Variants in XG observed in about 807,000 individuals in gnomAD.
XG encodes Xg glycoprotein (Xg blood group).
XG carries 24 observed loss-of-function variants against 25.7 expected under a neutral mutation model. That is an observed-to-expected ratio of 0.93 (90% CI 0.68 to 1.31). The LOEUF is 1.31. Ranked by LOEUF, XG falls within the 40% of genes most tolerant of loss-of-function variation. The pLI is 0.00. For synonymous variants in XG, 77 were observed against 69.2 expected, an observed-to-expected ratio of 1.11 and a Z score of -0.56; for missense variants, 181 against 187.6, an observed-to-expected ratio of 0.96 and a Z score of 0.21.
rs986385418 is a variant in XG at position 2,775,553 on chromosome X, G to A, written c.127+814G>A. On this transcript the variant is annotated intron_variant, in intron 3 of 10. Transcript: ENST00000644266. Reference sequence around the variant, plus strand: ...AAGCATTCTGGAAGTACACAGAGGTGATGGCTGCACAACACTGTGAATATT... The same window carrying A: ...AAGCATTCTGGAAGTACACAGAGGTAATGGCTGCACAACACTGTGAATATT... Among the ~76,000 whole-genome samples the A allele has an allele frequency of 1.1e-4, 17 of 152,296 alleles. 1 individual carries two copies. Among genetic ancestry groups the A allele is most frequent in the African/African-American group, 4.1e-4 (17 of 41,564 alleles).
At chrX:2,770,912 C>G (rs1224323725) in intron 2 of XG, among the ~76,000 whole-genome samples, 1 of 152,100 alleles carries the variant, frequency 6.6e-6, no homozygotes, top group East Asian at 1.9e-4. Flanking sequence ...GTGGTGCAAT[C>G]ATAGCTTACC....
At chrX:2,753,534 T>G (rs1375235787) in intron 1 of XG, among the ~76,000 whole-genome samples, 1 of 152,174 alleles carries the variant, frequency 6.6e-6, no homozygotes, top group Non-Finnish European at 1.5e-5. Context: ...AAAATTGGTA[T>G]GCATTCAGTA....
intron 2 of XG, among the ~76,000 whole-genome samples, chrX:2,773,492 A>AG (rs1569461932): frequency 2.0e-4 from 29 of 142,206 alleles, no homozygotes; most frequent in Non-Finnish European, 4.0e-4. Flanking sequence ...GGAAGGAAGG[A>AG]AGGAAGGAGA....
At chrX:2,763,731 A>T (rs2050615544) in intron 1 of XG, among the ~76,000 whole-genome samples, 1 of 151,744 alleles carries the variant, frequency 6.6e-6, no homozygotes, top group African/African-American at 2.4e-5. Context: ...GCCATTGAAA[A>T]CCCTCAGCTA....
In XG at chrX:2,792,545, TTG is replaced by T. The variant is rs146747084; in HGVS notation, c.254-1966_254-1965del. 3.1e-4 allele frequency among the ~76,000 whole-genome samples: 31 copies of T among 99,670 alleles called. No homozygotes were observed. The East Asian group carries it at 4.1e-3, about 13-fold the overall frequency. The allele number at this position is 99,670 out of a possible 115,157, so 86.6% of individuals were successfully genotyped here. A position where few individuals can be genotyped will look rare whatever the true frequency, so the allele number is the denominator to read the frequency against. ...TCTTTTTCTTTCTTTTTCTTTTTCT[TTG>T]TGTGTGTGTGTGTGTGTGTGTGTAT... On this transcript the variant is annotated intron_variant, in intron 5 of 10. Transcript: ENST00000644266.
At chrX:2,775,006 T>C (rs1258019750) in intron 3 of XG, 4 of 535,556 alleles carry the variant, frequency 7.5e-6, no homozygotes, top group Non-Finnish European at 1.4e-5. Flanking sequence ...GAAACTGGAA[T>C]GTTTGTACAG....
At chrX:2,773,553 A>AAGGAAGGAGAGAG (rs1254299943) in intron 2 of XG, among the ~76,000 whole-genome samples, 1 of 74,486 alleles carries the variant, frequency 1.3e-5, no homozygotes, top group East Asian at 4.7e-4. Flanking sequence ...GAAGGAGAGA[A>AAGGAAGGAGAGAG]GGAAGGAAGG....
chrX:2,784,724 T>G (rs1174424017), intron 4 of XG, among the ~76,000 whole-genome samples: 2 of 111,864 alleles, frequency 1.8e-5, no homozygotes, highest in Non-Finnish European at 3.8e-5. Context: ...AGGCTCAGGC[T>G]GGGGAGGTGA....
chrX:2,752,643 G>T (rs1281342853), intron 1 of XG, among the ~76,000 whole-genome samples: 6 of 152,184 alleles, frequency 3.9e-5, no homozygotes, highest in Non-Finnish European at 7.3e-5. Context: ...TTAACTCCAT[G>T]ATTCAAGCAT....
rs771882283 is a variant in XG at position 2,797,301 on chromosome X, G to A, written c.323-9G>A. ...AACATCCCTCAACTCTACCTTCTCTGTCTAACAGGAGGTGGCGGCGGTGGC... is the reference window on the plus strand; with the variant it reads ...AACATCCCTCAACTCTACCTTCTCTATCTAACAGGAGGTGGCGGCGGTGGC... On this transcript the variant is annotated splice_polypyrimidine_tract_variant and intron_variant, in intron 6 of 10. Transcript: ENST00000644266. 2.4e-5 allele frequency: 29 copies of A among 1,210,356 alleles called. 1 individual carries two copies. The highest frequency in any genetic ancestry group is 2.5e-5 in the Non-Finnish European group (22 of 894,797).
chrX:2,756,579 T>C (rs2050439334), intron 1 of XG, among the ~76,000 whole-genome samples: 1 of 146,956 alleles, frequency 6.8e-6, no homozygotes, highest in African/African-American at 2.5e-5. Context: ...ACATCTGTTA[T>C]GCATCAATTA....
At position 2,815,721 on chromosome X, in the gene XG, A is replaced by C. The variant is rs1603458096; in HGVS notation, c.*1341A>C. 4.6e-5 allele frequency: 5 copies of C among 109,095 alleles called. No individual in the cohort carries two copies. The Admixed American group carries it at 5.0e-4, about 11-fold the overall frequency. 9.0% of individuals were successfully genotyped at this position (109,095 alleles called of 1,213,427 possible). ...TTTTTTTCAGGAGTGGTGATGTCTGATGCTCAATTACTATTTTCCCTATAA... is the reference window on the plus strand; with the variant it reads ...TTTTTTTCAGGAGTGGTGATGTCTGCTGCTCAATTACTATTTTCCCTATAA... On this transcript the variant is annotated 3_prime_UTR_variant, in exon 11 of 11. Transcript: ENST00000644266.
intron 2 of XG, among the ~76,000 whole-genome samples, chrX:2,774,420 A>G (rs311156): frequency 0.32 from 45,837 of 142,610 alleles, 7,106 homozygotes; most frequent in East Asian, 0.47. Context: ...TCCACCGTCC[A>G]GCCCTGTGGT....
At chrX:2,758,639 G>C (rs147706636) in intron 1 of XG, among the ~76,000 whole-genome samples, 1 of 152,176 alleles carries the variant, frequency 6.6e-6, no homozygotes, top group African/African-American at 2.4e-5. Flanking sequence ...GACACTTGTC[G>C]ATATCTTGAG....
At position 2,815,821 on chromosome X, in the gene XG, A is replaced by ACACACACACACACACCCC. The variant is rs1491288808; in HGVS notation, c.*1442_*1443insACACACACACACACCCCC. The stretch of plus-strand genomic sequence containing the variant: ...TAGTTACACACACACACACACACAC[A>ACACACACACACACACCCC]CCTACTTAAATGGAATCTAAACATT... On this transcript the variant is annotated 3_prime_UTR_variant, in exon 11 of 11. Transcript: ENST00000644266. The ACACACACACACACACCCC allele has an allele frequency of 9.3e-6, 1 of 107,799 alleles. No individual in the cohort carries two copies. The highest frequency in any genetic ancestry group is 3.4e-5 in the African/African-American group (1 of 29,819). 8.9% of individuals were successfully genotyped at this position (107,799 alleles called of 1,213,427 possible).
At chrX:2,775,070 T>C (rs185450461) in intron 3 of XG, 9,961 of 349,590 alleles carry the variant, frequency 0.028, 559 homozygotes, top group African/African-American at 0.19. Context: ...CTTTGGTGGA[T>C]CCTCCAAAAG....
At chrX:2,789,506 T>C in intron 4 of XG, 138 bp from the exon 5 acceptor site, 3 of 359,389 alleles carry the variant, frequency 8.3e-6, no homozygotes, top group East Asian at 1.0e-4. Flanking sequence ...ATTATGAATA[T>C]TGTCTACATG....
At chrX:2,793,779 C>T (rs780424332) in intron 5 of XG, among the ~76,000 whole-genome samples, 5 of 111,406 alleles carry the variant, frequency 4.5e-5, no homozygotes, top group Non-Finnish European at 9.4e-5. Flanking sequence ...GAGAGTGGAT[C>T]GTGGGGACCT....
intron 3 of XG, among the ~76,000 whole-genome samples, chrX:2,777,853 G>T (rs1232303270): frequency 6.6e-6 from 1 of 152,118 alleles, no homozygotes; most frequent in Admixed American, 6.5e-5. Context: ...GAGGTCAGGA[G>T]ATCGAGACCA....
Sources: allele counts gnomAD v4.1 joint callset (sites outside exome capture counted in the v4.1 genomes callset), GRCh38; gene constraint gnomAD v4.1.1; transcripts MANE v1.5; gene names NCBI Gene and HGNC (gene_info 2026-07-23, HGNC 2026-07-21).